The following SPATA16 variants were observed in gnomAD, a reference collection of about 807,000 sequenced individuals.
SPATA16 encodes spermatogenesis-associated protein 16.
Under a neutral mutation model 63.3 loss-of-function variants are expected in SPATA16, and 36 were observed. The observed-to-expected ratio is 0.57, with a 90% CI of 0.44 to 0.75. The LOEUF (loss-of-function observed/expected upper bound fraction) is 0.75. Ranked by LOEUF, SPATA16 falls within the 30% of genes least tolerant of loss-of-function variation. SPATA16 has a pLI of 0.00. For synonymous variants in SPATA16, 203 were observed against 216.7 expected, an observed-to-expected ratio of 0.94 and a Z score of 0.56; for missense variants, 646 against 679.3, an observed-to-expected ratio of 0.95 and a Z score of 0.54.
chr3:172,964,623 C>G (rs763600234), intron 5 of SPATA16, among the ~76,000 whole-genome samples: 12 of 152,174 alleles, frequency 7.9e-5, no homozygotes, highest in Non-Finnish European at 1.6e-4. Flanking sequence ...TGTCATTGTG[C>G]ATTTCATCTC....
chr3:173,038,932 A>C (rs1039246056), intron 3 of SPATA16, among the ~76,000 whole-genome samples: 17 of 152,188 alleles, frequency 1.1e-4, no homozygotes, highest in Non-Finnish European at 1.9e-4. Flanking sequence ...CTAGAAATTG[A>C]GGCTAAGGGC....
chr3:173,074,992 CAAA>C lies in SPATA16; in HGVS notation c.613-25901_613-25899del, dbSNP rs35683679. Among the ~76,000 whole-genome samples the C allele has an allele frequency of 9.1e-3, 609 of 66,786 alleles. 9 individuals carry two copies. Among genetic ancestry groups the C allele is most frequent in the South Asian group, 0.068 (148 of 2,186 alleles). The allele number at this position is 66,786 out of a possible 152,430, so 43.8% of individuals were successfully genotyped here. ...CAGGTGACAGAGCAAGACTCTATCT[CAAA>C]AAAAAAAAAAAAAAAAAGGAAAGAA... On this transcript the variant is annotated intron_variant, in intron 2 of 10. Coordinates refer to ENST00000351008, the MANE Select transcript of SPATA16 (RefSeq NM_031955.6).
chr3:172,974,303 C>A (rs531555663), intron 5 of SPATA16, among the ~76,000 whole-genome samples: 141 of 152,062 alleles, frequency 9.3e-4, no homozygotes, highest in African/African-American at 3.3e-3. Context: ...TAACTTCTGG[C>A]AAAGGTGGTG....
At chr3:172,911,595 C>T (rs142431592) in intron 10 of SPATA16, among the ~76,000 whole-genome samples, 1 of 152,122 alleles carries the variant, frequency 6.6e-6, no homozygotes, top group African/African-American at 2.4e-5. Context: ...TTTCTTTCTC[C>T]CAACTGAATT....
At chr3:173,110,682 G>A (rs986974973) in intron 2 of SPATA16, among the ~76,000 whole-genome samples, 17 of 152,108 alleles carry the variant, frequency 1.1e-4, no homozygotes, top group African/African-American at 3.4e-4. Context: ...CATTCTAAGC[G>A]GCTAAGAAAG....
At chr3:172,902,342 A>G (rs1337499966) in intron 10 of SPATA16, among the ~76,000 whole-genome samples, 1 of 152,126 alleles carries the variant, frequency 6.6e-6, no homozygotes, top group Non-Finnish European at 1.5e-5. Context: ...ACGCCCAGCC[A>G]TGTCTAGGGA....
chr3:172,991,997 T>C (rs1461777293), intron 4 of SPATA16, among the ~76,000 whole-genome samples: 2 of 152,294 alleles, frequency 1.3e-5, no homozygotes, highest in East Asian at 3.9e-4. Flanking sequence ...TTTACCACAG[T>C]TGTTGAATTT....
chr3:172,988,925 C>A (rs1226244635), intron 4 of SPATA16, among the ~76,000 whole-genome samples: 1 of 152,154 alleles, frequency 6.6e-6, no homozygotes, highest in Non-Finnish European at 1.5e-5. Context: ...GGTGTGCACT[C>A]TTCCAAGAGA....
intron 4 of SPATA16, among the ~76,000 whole-genome samples, chr3:173,015,506 C>A (rs991703157): frequency 1.3e-5 from 2 of 152,126 alleles, no homozygotes; most frequent in African/African-American, 2.4e-5. Flanking sequence ...TATGTATTTT[C>A]AATTTAGAAG....
At chr3:173,132,953 A>G (rs138393593) in intron 1 of SPATA16, among the ~76,000 whole-genome samples, 102 of 152,244 alleles carry the variant, frequency 6.7e-4, no homozygotes, top group African/African-American at 2.3e-3. Context: ...AACAATTACT[A>G]CCCCCAACTC....
intron 3 of SPATA16, among the ~76,000 whole-genome samples, chr3:173,036,135 C>G (rs1407069415): frequency 6.6e-6 from 1 of 151,958 alleles, no homozygotes; most frequent in Non-Finnish European, 1.5e-5. Context: ...CTGACTTAGG[C>G]ACTGTTTCTA....
intron 1 of SPATA16, among the ~76,000 whole-genome samples, chr3:173,124,482 C>T (rs182330928): frequency 5.9e-5 from 9 of 152,274 alleles, no homozygotes; most frequent in Non-Finnish European, 1.2e-4. Context: ...TGTTTGGATC[C>T]TATCCCTCCA....
intron 4 of SPATA16, among the ~76,000 whole-genome samples, chr3:172,999,872 C>T (rs1734777154): frequency 6.6e-6 from 1 of 152,212 alleles, no homozygotes; most frequent in African/African-American, 2.4e-5. Context: ...CTGATTTTCT[C>T]TATTCATATC....
intron 3 of SPATA16, among the ~76,000 whole-genome samples, chr3:173,028,037 T>A (rs1334361897): frequency 9.8e-6 from 1 of 102,166 alleles, no homozygotes; most frequent in African/African-American, 4.4e-5. Context: ...CTTCCTTCCT[T>A]CCTTCCTTCC....
At chr3:173,084,675 C>CTT (rs1311618236) in intron 2 of SPATA16, among the ~76,000 whole-genome samples, 1 of 152,002 alleles carries the variant, frequency 6.6e-6, no homozygotes, top group Non-Finnish European at 1.5e-5. Flanking sequence ...GTCTTTAATC[C>CTT]ATCTTCAGTT....
chr3:172,921,892 G>A (rs982211192), intron 8 of SPATA16, among the ~76,000 whole-genome samples: 32 of 152,266 alleles, frequency 2.1e-4, no homozygotes, highest in African/African-American at 7.7e-4. Context: ...ATGGCCTTGG[G>A]CAAAAGTCTT....
chr3:173,079,309 T>A (rs1413401913), intron 2 of SPATA16, among the ~76,000 whole-genome samples: 2 of 152,150 alleles, frequency 1.3e-5, no homozygotes, highest in East Asian at 1.9e-4. Context: ...TTGTTGACAA[T>A]GTTATGGTGA....
At chr3:172,970,346 AT>A (rs1215192717) in intron 5 of SPATA16, among the ~76,000 whole-genome samples, 4 of 152,116 alleles carry the variant, frequency 2.6e-5, no homozygotes, top group Non-Finnish European at 2.9e-5. Flanking sequence ...CCTATATCTT[AT>A]TCTTATAGAA....
At chr3:173,069,283 T>C (rs1035767662) in intron 2 of SPATA16, among the ~76,000 whole-genome samples, 1 of 151,746 alleles carries the variant, frequency 6.6e-6, no homozygotes, top group African/African-American at 2.4e-5. Context: ...ATAAATAAAA[T>C]TGGAGACAAA....
Sources: gnomAD v4.1 joint callset for allele counts (sites outside exome capture counted in the v4.1 genomes callset) on GRCh38, gnomAD v4.1.1 for gene constraint, MANE v1.5 for transcripts, NCBI Gene and HGNC (gene_info 2026-07-23, HGNC 2026-07-21) for gene names.